SLC39A8: variants seen among roughly 807,000 people sequenced by gnomAD.
The protein encoded by SLC39A8 is solute carrier family 39 member 8, also known as metal cation symporter ZIP8.
In SLC39A8, 15 loss-of-function variants were observed where a neutral mutation model predicts 40.4. The ratio of observed to expected loss-of-function variants is 0.37; its 90% CI spans 0.25 to 0.57. The LOEUF is 0.57. Ranked by LOEUF, SLC39A8 falls within the 20% of genes least tolerant of loss-of-function variation. The probability of loss-of-function intolerance (pLI) is 0.75; values close to 1 mark genes in which losing one functional copy is unlikely to be tolerated. For synonymous variants in SLC39A8, 223 were observed against 221.6 expected, an observed-to-expected ratio of 1.01 and a Z score of -0.06; for missense variants, 472 against 558.8, an observed-to-expected ratio of 0.84 and a Z score of 1.57.
intron 2 of SLC39A8, among the ~76,000 whole-genome samples, chr4:102,342,355 C>A (rs977301550): frequency 6.6e-6 from 1 of 152,094 alleles, no homozygotes; most frequent in Non-Finnish European, 1.5e-5. Flanking sequence ...ACAAATTAGC[C>A]CGGTGTGGTG....
chr4:102,335,282 G>C (rs190674614), intron 2 of SLC39A8, among the ~76,000 whole-genome samples: 1 of 152,284 alleles, frequency 6.6e-6, no homozygotes, highest in East Asian at 1.9e-4. Flanking sequence ...ATATAAAGCA[G>C]GAACTTTTGC....
chr4:102,287,230 C>T (rs1445210295), intron 6 of SLC39A8, among the ~76,000 whole-genome samples: 3 of 152,040 alleles, frequency 2.0e-5, no homozygotes, highest in Non-Finnish European at 4.4e-5. Context: ...AGTTCATGAA[C>T]CCCTTTAAAT....
chr4:102,300,073 CCT>C (rs1338420369), intron 6 of SLC39A8, among the ~76,000 whole-genome samples: 1 of 151,986 alleles, frequency 6.6e-6, no homozygotes, highest in East Asian at 1.9e-4. Context: ...CTTGTGCACC[CCT>C]CTTTTTCCTA....
intron 2 of SLC39A8, among the ~76,000 whole-genome samples, chr4:102,317,980 T>C (rs1043967227): frequency 4.6e-5 from 7 of 152,084 alleles, no homozygotes; most frequent in Admixed American, 3.9e-4. Flanking sequence ...ATATCACACA[T>C]AATAGGGTAA....
At chr4:102,310,917 A>G (rs1020872314) in intron 3 of SLC39A8, among the ~76,000 whole-genome samples, 6 of 152,110 alleles carry the variant, frequency 3.9e-5, no homozygotes, top group Admixed American at 1.3e-4. Flanking sequence ...AGATTCTTCT[A>G]AGAACTTTAC....
chr4:102,320,786 A>G (rs1734931321), intron 2 of SLC39A8, among the ~76,000 whole-genome samples: 1 of 143,870 alleles, frequency 7.0e-6, no homozygotes, highest in South Asian at 2.2e-4. Context: ...ATATATGAGA[A>G]AAAATATATA....
At chr4:102,336,998 T>C (rs1471042025) in intron 2 of SLC39A8, among the ~76,000 whole-genome samples, 1 of 152,172 alleles carries the variant, frequency 6.6e-6, no homozygotes, top group Admixed American at 6.5e-5. Context: ...TAAATGACCC[T>C]AATACTAGCT....
Position 102,262,454 on chromosome 4 carries a change from ATGGTT to A in SLC39A8, c.*585_*589del. ...ATTTCCTAACTCCTATTATTTTAGAATGGTTTTCAAAATAATACTGCAAGTTCCTA... is the reference window on the plus strand; with the variant it reads ...ATTTCCTAACTCCTATTATTTTAGAATTCAAAATAATACTGCAAGTTCCTA... On this transcript the variant is annotated 3_prime_UTR_variant, in exon 9 of 9. Coordinates refer to ENST00000356736, the MANE Select transcript of SLC39A8 (RefSeq NM_001135146.2). The A allele has an allele frequency of 1.0e-6, 1 of 985,468 alleles. No homozygotes were observed. The highest frequency in any genetic ancestry group is 4.7e-5 in the South Asian group (1 of 21,284). The allele number at this position is 985,468 out of a possible 1,614,324, so 61.0% of individuals were successfully genotyped here. A position where few individuals can be genotyped will look rare whatever the true frequency, so the allele number is the denominator to read the frequency against.
chr4:102,274,746 CG>C lies in SLC39A8; in HGVS notation c.841-6668del, dbSNP rs553351898. ...AAAGGGAAGCCCATCAGACTAACAG[CG>C]GCTCTCTCTACAGAAACTCTACAAG... On this transcript the variant is annotated intron_variant, in intron 6 of 8. Transcript: ENST00000356736. 4.0e-3 allele frequency among the ~76,000 whole-genome samples: 606 copies of C among 152,246 alleles called. 7 individuals carry two copies. The highest frequency in any genetic ancestry group is 8.5e-3 in the South Asian group (41 of 4,812).
chr4:102,279,975 C>A (rs1732799550), intron 6 of SLC39A8, among the ~76,000 whole-genome samples: 1 of 152,164 alleles, frequency 6.6e-6, no homozygotes, highest in African/African-American at 2.4e-5. Context: ...ATAAGACCTG[C>A]AGGCACTCTA....
At chr4:102,268,608 T>C (rs188077315) in intron 6 of SLC39A8, among the ~76,000 whole-genome samples, 2 of 152,368 alleles carry the variant, frequency 1.3e-5, no homozygotes, top group East Asian at 3.9e-4. Context: ...TTGTACTAAA[T>C]GATTCATTTA....
At chr4:102,298,107 T>C (rs1733756850) in intron 6 of SLC39A8, among the ~76,000 whole-genome samples, 1 of 151,692 alleles carries the variant, frequency 6.6e-6, no homozygotes, top group Non-Finnish European at 1.5e-5. Flanking sequence ...AGTTCACACA[T>C]TCCAAATCAT....
At chr4:102,335,965 G>T (rs1010348662) in intron 2 of SLC39A8, among the ~76,000 whole-genome samples, 1 of 152,066 alleles carries the variant, frequency 6.6e-6, no homozygotes, top group Admixed American at 6.5e-5. Flanking sequence ...AGACAATTTT[G>T]TTAAGGATAA....
chr4:102,264,952 G>A (rs1205739930), intron 8 of SLC39A8, among the ~76,000 whole-genome samples: 2 of 152,304 alleles, frequency 1.3e-5, no homozygotes, highest in East Asian at 1.9e-4. Flanking sequence ...GTTGTAGCTG[G>A]TTTGATCTTT....
At chr4:102,318,738 G>A (rs1734768300) in intron 2 of SLC39A8, among the ~76,000 whole-genome samples, 1 of 152,122 alleles carries the variant, frequency 6.6e-6, no homozygotes, top group Non-Finnish European at 1.5e-5. Context: ...GAAAGGGTAG[G>A]ATCATCAAGT....
rs376144600 is a variant in SLC39A8 at position 102,334,850 on chromosome 4, G to A, written c.219+9594C>T. Among the ~76,000 whole-genome samples, 13 of 152,320 alleles carry A rather than the reference G, an allele frequency of 8.5e-5. No homozygotes were observed. In the East Asian group the frequency reaches 1.7e-3, roughly 20 times the overall value. On this transcript the variant is annotated intron_variant, in intron 2 of 8. Coordinates refer to ENST00000356736, the MANE Select transcript of SLC39A8 (RefSeq NM_001135146.2). ...AAAGTGAGTTACTTAACCTACCTAA[G>A]GTTGAGTTTCCTCAAGGGAATAACA... is the stretch of plus-strand genomic sequence containing the variant.
At chr4:102,341,251 T>C (rs539976094) in intron 2 of SLC39A8, among the ~76,000 whole-genome samples, 8 of 152,178 alleles carry the variant, frequency 5.3e-5, no homozygotes, top group African/African-American at 1.9e-4. Context: ...GAAGAAGAAA[T>C]TCTGAATGGA....
At chr4:102,331,212 A>G (rs1339061894) in intron 2 of SLC39A8, among the ~76,000 whole-genome samples, 8 of 152,190 alleles carry the variant, frequency 5.3e-5, no homozygotes, top group Non-Finnish European at 7.4e-5. Context: ...GGGTATTCAA[A>G]CAGGAAAAGA....
chr4:102,319,590 T>C (rs900890181), intron 2 of SLC39A8, among the ~76,000 whole-genome samples: 1 of 152,042 alleles, frequency 6.6e-6, no homozygotes, highest in Admixed American at 6.6e-5. Flanking sequence ...ACCCTTAATG[T>C]TTCCTCTTAG....
Sources: allele counts gnomAD v4.1 joint callset (sites outside exome capture counted in the v4.1 genomes callset), GRCh38; gene constraint gnomAD v4.1.1; transcripts MANE v1.5; gene names NCBI Gene and HGNC (gene_info 2026-07-23, HGNC 2026-07-21).